Variants in MPHOSPH10 observed in about 807,000 individuals in gnomAD.
MPHOSPH10 encodes U3 small nucleolar ribonucleoprotein MPP10.
A neutral mutation model predicts 77.3 loss-of-function variants in MPHOSPH10; 33 were observed. The ratio of observed to expected loss-of-function variants is 0.43; its 90% CI spans 0.32 to 0.57. The LOEUF (loss-of-function observed/expected upper bound fraction) is 0.57, where lower values mean the gene tolerates loss of function less well. MPHOSPH10 is among the 20% of genes least tolerant of loss of function. The pLI, the probability that MPHOSPH10 is intolerant of heterozygous loss-of-function variation, is 0.07. For synonymous variants in MPHOSPH10, 245 were observed against 268.0 expected (o/e 0.91, Z 0.84); for missense variants, 708 against 780.1 (o/e 0.91, Z 1.10).
intron 4 of MPHOSPH10, 151 bp from the exon 5 acceptor site, chr2:71,138,339 G>A (rs1673535548): frequency 1.6e-6 from 1 of 623,738 alleles, no homozygotes. Flanking sequence ...AGCAGAAATA[G>A]GAAGTCATCG....
At chr2:71,138,404 C>T in intron 4 of MPHOSPH10, 86 bp from the exon 5 acceptor site, 2 of 1,104,482 alleles carry the variant, frequency 1.8e-6, no homozygotes, top group Middle Eastern at 3.1e-4. Context: ...TTCTTGCTTT[C>T]CCACTTTTTA....
intron 5 of MPHOSPH10, 62 bp from the exon 6 acceptor site, chr2:71,139,733 C>G (rs1021355051): frequency 2.3e-5 from 27 of 1,180,606 alleles, no homozygotes; most frequent in Middle Eastern, 2.7e-4. Context: ...GGTCCAAGGA[C>G]TGCACTGAAT....
At chr2:71,141,162 G>T in intron 6 of MPHOSPH10, 70 bp from the exon 7 acceptor site, 1 of 1,000,638 alleles carries the variant, frequency 1.0e-6, no homozygotes, top group Non-Finnish European at 1.3e-6. Flanking sequence ...TATTCCAGAG[G>T]AAGATTCTTA....
chr2:71,135,383 T>C (rs1457787696), intron 4 of MPHOSPH10, among the ~76,000 whole-genome samples: 5 of 137,356 alleles, frequency 3.6e-5, no homozygotes, highest in Non-Finnish European at 6.3e-5. Flanking sequence ...CCATCTCTAC[T>C]AAAAAAAAAA....
intron 8 of MPHOSPH10, 36 bp from the exon 9 acceptor site, chr2:71,147,963 T>C (rs1572902024): frequency 6.5e-7 from 1 of 1,546,354 alleles, no homozygotes; most frequent in East Asian, 2.2e-5. Flanking sequence ...TAGAGTCCCT[T>C]CTGGCTTCCC....
intron 8 of MPHOSPH10, among the ~76,000 whole-genome samples, chr2:71,146,302 C>T (rs916929253): frequency 6.0e-5 from 9 of 148,970 alleles, no homozygotes; most frequent in African/African-American, 2.2e-4. Flanking sequence ...CTGTAGACTC[C>T]ATTTACTAAT....
At position 71,133,441 on chromosome 2, in the gene MPHOSPH10, G is replaced by A. The variant is rs769418518; in HGVS notation, c.633G>A (p.Glu211=). The change falls in exon 2 of 11, where the codon GAG becomes GAA. Residue 211 remains glutamate, a synonymous_variant. Coordinates refer to ENST00000244230, the MANE Select transcript of MPHOSPH10 (RefSeq NM_005791.3). ...AATTCTTCAAACTCTCTGAAATGGA[G>A]GCCTATTTAGAAAACATAGAAAAAG... The part of the protein sequence containing the change: ...DDKFFKLSEM[E]AYLENIEKEE... 6.2e-7 allele frequency: 1 copy of A among 1,613,924 alleles called. No individual in the cohort carries two copies. The highest frequency in any genetic ancestry group is 1.1e-5 in the South Asian group (1 of 91,060).
At chr2:71,141,398 A>G in intron 7 of MPHOSPH10, 29 bp downstream of exon 7, 1 of 1,452,636 alleles carries the variant, frequency 6.9e-7, no homozygotes, top group South Asian at 1.6e-5. Flanking sequence ...CCAAGCCATT[A>G]TTATTAAAGA....
Position 71,149,093 on chromosome 2 carries a change from G to A in MPHOSPH10, c.1666-130G>A, listed in dbSNP as rs189488306. 8 of 759,380 alleles carry A rather than the reference G, an allele frequency of 1.1e-5. 1 individual carries two copies. Among genetic ancestry groups the A allele is most frequent in the East Asian group, 8.0e-5 (3 of 37,390 alleles). The allele number at this position is 759,380 out of a possible 1,614,324, so 47.0% of individuals were successfully genotyped here. On this transcript the variant is annotated intron_variant, in intron 9 of 10. Coordinates refer to ENST00000244230, the MANE Select transcript of MPHOSPH10 (RefSeq NM_005791.3). The stretch of plus-strand genomic sequence containing the variant: ...GCTCATTGGAATGCAGGTGGGGATT[G>A]CTCTGCATCTTTGTGCATTTGGCCA...
intron 10 of MPHOSPH10, 81 bp downstream of exon 10, chr2:71,149,534 T>C: frequency 4.6e-6 from 6 of 1,312,902 alleles, no homozygotes; most frequent in Non-Finnish European, 6.4e-6. Context: ...CTGGAATGTC[T>C]GAGCCAGCTG....
At position 71,147,977 on chromosome 2, in the gene MPHOSPH10, G is replaced by T. The variant is rs1309868601; in HGVS notation, c.1558-22G>T. On this transcript the variant is annotated intron_variant, in intron 8 of 10. Transcript: ENST00000244230. The stretch of plus-strand genomic sequence containing the variant: ...TTAGAGTCCCTTCTGGCTTCCCATT[G>T]AATGTATTATCTCTTTTCTAGCCTG... 14 of 1,589,796 alleles carry T rather than the reference G, an allele frequency of 8.8e-6. No homozygotes were observed. In the Middle Eastern group the frequency reaches 6.6e-4, roughly 75 times the overall value.
intron 5 of MPHOSPH10, chr2:71,139,006 C>T (rs369279569): frequency 8.3e-6 from 4 of 481,222 alleles, no homozygotes; most frequent in East Asian, 7.2e-5. Flanking sequence ...TGTGCTCCAG[C>T]GTGGGCAGCC....
chr2:71,133,706 A>G (rs1673432623), intron 2 of MPHOSPH10, 130 bp downstream of exon 2: 5 of 1,082,792 alleles, frequency 4.6e-6, no homozygotes, highest in Non-Finnish European at 6.4e-6. Context: ...TATCAGTTAT[A>G]AATGAATCTG....
At chr2:71,134,859 A>G (rs1241031911) in intron 4 of MPHOSPH10, 62 bp downstream of exon 4, 3 of 1,305,002 alleles carry the variant, frequency 2.3e-6, no homozygotes, top group African/African-American at 3.0e-5. Context: ...GAAAACTATT[A>G]ACCATCCTTT....
At chr2:71,138,760 C>A in intron 5 of MPHOSPH10, 129 bp downstream of exon 5, 1 of 1,293,270 alleles carries the variant, frequency 7.7e-7, no homozygotes, top group Non-Finnish European at 1.1e-6. Context: ...CATGGCTTGG[C>A]ATGGTAGCTC....
Position 71,130,732 on chromosome 2 carries a change from G to T in MPHOSPH10, c.67G>T (p.Gly23Cys), listed in dbSNP as rs752280946. Residue 23 changes from glycine (G) to cysteine (C), a missense_variant, in exon 1 of 11, where the codon GGT becomes TGT. Transcript: ENST00000244230. ...TCTGACGGAAGTCGGCAAAGCCACG[G>T]GTCGGCCCGAGTGCTTCCTCACGTA... Reference protein sequence around the residue: ...RCLTEVGKATGRPECFLTIQE... With the variant: ...RCLTEVGKATCRPECFLTIQE... 1.9e-6 allele frequency: 3 copies of T among 1,610,278 alleles called. No individual in the cohort carries two copies. Among genetic ancestry groups the T allele is most frequent in the Admixed American group, 3.3e-5 (2 of 59,932 alleles).
At chr2:71,135,997 G>A (rs557770890) in intron 4 of MPHOSPH10, among the ~76,000 whole-genome samples, 140 of 152,196 alleles carry the variant, frequency 9.2e-4, no homozygotes, top group Middle Eastern at 3.4e-3. Flanking sequence ...GAGCCACTGC[G>A]CCCAGCGGAT....
intron 1 of MPHOSPH10, among the ~76,000 whole-genome samples, chr2:71,131,637 T>C (rs1673382033): frequency 1.3e-5 from 2 of 152,182 alleles, no homozygotes; most frequent in African/African-American, 4.8e-5. Context: ...GGTTGCTTTA[T>C]AGGAGTTGGG....
chr2:71,134,960 A>G (rs968484825), intron 4 of MPHOSPH10, among the ~76,000 whole-genome samples, 163 bp downstream of exon 4: 1 of 152,224 alleles, frequency 6.6e-6, no homozygotes, highest in African/African-American at 2.4e-5. Context: ...TGAGCTCAGG[A>G]GTTCAGAACC....
Sources: allele counts gnomAD v4.1 joint callset (sites outside exome capture counted in the v4.1 genomes callset), GRCh38; gene constraint gnomAD v4.1.1; transcripts MANE v1.5; gene names NCBI Gene and HGNC (gene_info 2026-07-23, HGNC 2026-07-21).